Variants in FAM110B observed in about 807,000 individuals in gnomAD.
The protein encoded by FAM110B is family with sequence similarity 110 member B, also known as protein FAM110B.
Under a neutral mutation model 20.4 loss-of-function variants are expected in FAM110B, and 6 were observed. That is an observed-to-expected ratio of 0.29 (90% confidence interval 0.16 to 0.58). The LOEUF (loss-of-function observed/expected upper bound fraction) is 0.58, where lower values mean the gene tolerates loss of function less well. Among genes scored for constraint, FAM110B ranks in the 20% least tolerant of loss-of-function variants. FAM110B has a pLI of 0.90. For missense variants in FAM110B, 434 were observed against 498.2 expected (o/e 0.87, Z 1.23); for synonymous variants, 226 against 214.1 (o/e 1.06, Z -0.49).
chr8:58,082,193 A>C (rs894788012), intron 3 of FAM110B, among the ~76,000 whole-genome samples: 1 of 152,208 alleles, frequency 6.6e-6, no homozygotes, highest in African/African-American at 2.4e-5. Flanking sequence ...TTACCCACCC[A>C]GGAAGCCTTT....
At chr8:57,995,017 G>A (rs923535655) in intron 1 of FAM110B, among the ~76,000 whole-genome samples, 1 of 152,122 alleles carries the variant, frequency 6.6e-6, no homozygotes, top group Non-Finnish European at 1.5e-5. Context: ...GACCCCGTCC[G>A]GCTTTCTGGG....
intron 3 of FAM110B, among the ~76,000 whole-genome samples, chr8:58,094,417 C>T (rs576760445): frequency 5.9e-5 from 9 of 152,182 alleles, no homozygotes; most frequent in Non-Finnish European, 1.2e-4. Context: ...TTTTGAGATA[C>T]GTTCCACCAA....
At chr8:58,010,740 G>A (rs1804516167) in intron 1 of FAM110B, among the ~76,000 whole-genome samples, 1 of 152,176 alleles carries the variant, frequency 6.6e-6, no homozygotes, top group Non-Finnish European at 1.5e-5. Flanking sequence ...TGCTGGTTTG[G>A]TAAGATTCCA....
At chr8:58,057,986 A>G (rs573826874) in intron 2 of FAM110B, among the ~76,000 whole-genome samples, 2 of 152,256 alleles carry the variant, frequency 1.3e-5, no homozygotes, top group African/African-American at 4.8e-5. Flanking sequence ...CACTGAGACC[A>G]TTTTGCCCCT....
chr8:58,045,256 G>C (rs1426106925), intron 2 of FAM110B, among the ~76,000 whole-genome samples: 2 of 152,102 alleles, frequency 1.3e-5, no homozygotes, highest in East Asian at 1.9e-4. Context: ...GCTGTGGCAG[G>C]GTGTCAGCAA....
chr8:58,113,254 AT>A (rs529582284), intron 3 of FAM110B: 227 of 166,316 alleles, frequency 1.4e-3, no homozygotes, highest in African/African-American at 5.2e-3. Context: ...GCTTGATGAG[AT>A]TTGGCTTTCT....
At chr8:58,085,329 A>G (rs1433143401) in intron 3 of FAM110B, among the ~76,000 whole-genome samples, 2 of 152,144 alleles carry the variant, frequency 1.3e-5, no homozygotes, top group Non-Finnish European at 2.9e-5. Flanking sequence ...CCTGGCCAAT[A>G]TGGTGAAACC....
At chr8:58,113,385 G>T (rs1807113591) in intron 3 of FAM110B, 1 of 214,070 alleles carries the variant, frequency 4.7e-6, no homozygotes, top group South Asian at 8.5e-5. Context: ...CAGTGTAGAT[G>T]ACACATTTCT....
At chr8:58,026,493 G>A (rs1804858540) in intron 1 of FAM110B, among the ~76,000 whole-genome samples, 7 of 151,916 alleles carry the variant, frequency 4.6e-5, no homozygotes. Context: ...ATTTGGAATC[G>A]TGATTCTATT....
intron 1 of FAM110B, among the ~76,000 whole-genome samples, chr8:58,011,060 T>G (rs1322466958): frequency 6.6e-6 from 1 of 152,200 alleles, no homozygotes; most frequent in African/African-American, 2.4e-5. Context: ...CAAAGAAGTC[T>G]ACATTTTGGT....
At chr8:58,052,975 C>A (rs11776550) in intron 2 of FAM110B, among the ~76,000 whole-genome samples, 7,861 of 148,278 alleles carry the variant, frequency 0.053, 308 homozygotes, top group African/African-American at 0.1. Flanking sequence ...TTAGTAGAGA[C>A]GGGGTTTCAC....
At chr8:58,042,671 G>A (rs1805244719) in intron 2 of FAM110B, among the ~76,000 whole-genome samples, 1 of 152,240 alleles carries the variant, frequency 6.6e-6, no homozygotes, top group Non-Finnish European at 1.5e-5. Context: ...AGATGTAGGT[G>A]TGAGAGAAGC....
In FAM110B at chr8:58,146,502, G is replaced by A. The variant is rs751156478; in HGVS notation, c.272G>A (p.Arg91His). 15 of 1,613,714 alleles carry A rather than the reference G, an allele frequency of 9.3e-6. No homozygotes were observed. Among genetic ancestry groups the A allele is most frequent in the Admixed American group, 6.7e-5 (4 of 59,986 alleles). The change falls in exon 4 of 4, where the codon CGC becomes CAC. Residue 91 changes from arginine to histidine, a missense_variant. Arg to His is a conservative substitution (Grantham distance 29). This residue lies in a region of FAM110B where 284 missense variants were observed against 278.3 expected (regional missense o/e 1.02). Transcript: ENST00000519262. ...CCCCCGGTGTGCCCGGCTGCCAAGC[G>A]CGCACTGGGCAGCCCCACGCTCAAA... ...AKPPVCPAAK[R>H]ALGSPTLKVF...
intron 2 of FAM110B, among the ~76,000 whole-genome samples, chr8:58,070,829 A>G (rs1357039070): frequency 6.6e-6 from 1 of 152,246 alleles, no homozygotes; most frequent in African/African-American, 2.4e-5. Flanking sequence ...GTGCCTTAGC[A>G]GAAGTAATGT....
chr8:58,040,727 A>G (rs1225768732), intron 2 of FAM110B, among the ~76,000 whole-genome samples: 1 of 152,210 alleles, frequency 6.6e-6, no homozygotes, highest in Non-Finnish European at 1.5e-5. Context: ...CATTAAGGTA[A>G]GTGGAAAGTA....
intron 3 of FAM110B, among the ~76,000 whole-genome samples, chr8:58,100,036 C>A (rs565174869): frequency 5.9e-5 from 9 of 152,322 alleles, no homozygotes; most frequent in Middle Eastern, 3.4e-3. Flanking sequence ...TTTCTCAGTA[C>A]TGTCTGGCCA....
intron 2 of FAM110B, among the ~76,000 whole-genome samples, chr8:58,038,320 A>G (rs1805129694): frequency 6.6e-6 from 1 of 152,182 alleles, no homozygotes; most frequent in African/African-American, 2.4e-5. Context: ...TTGCATATGG[A>G]ATCCTGGAGT....
intron 3 of FAM110B, among the ~76,000 whole-genome samples, chr8:58,085,322 G>A (rs1297014917): frequency 1.3e-5 from 2 of 152,142 alleles, no homozygotes; most frequent in Admixed American, 6.5e-5. Context: ...AGACTAGCCT[G>A]GCCAATATGG....
intron 1 of FAM110B, among the ~76,000 whole-genome samples, chr8:58,011,576 A>G (rs1455882528): frequency 6.6e-6 from 1 of 152,106 alleles, no homozygotes; most frequent in Non-Finnish European, 1.5e-5. Context: ...GCTCCTTCCA[A>G]ACCTGTGGAA....
Sources: gnomAD v4.1 joint callset for allele counts (sites outside exome capture counted in the v4.1 genomes callset) on GRCh38, gnomAD v4.1.1 for gene constraint, gnomAD v4.1.1 regional missense constraint, MANE v1.5 for transcripts, NCBI Gene and HGNC (gene_info 2026-07-23, HGNC 2026-07-21) for gene names.